Variants in FMO5 observed in about 807,000 individuals in gnomAD.
The protein encoded by FMO5 is flavin-containing monooxygenase 5.
A neutral mutation model predicts 43.6 loss-of-function variants in FMO5; 51 were observed. The observed-to-expected ratio is 1.17, with a 90% CI of 0.93 to 1.48. The LOEUF (loss-of-function observed/expected upper bound fraction) is 1.48, where lower values mean the gene tolerates loss of function less well. Among genes scored for constraint, FMO5 ranks in the 40% most tolerant of loss-of-function variants. The pLI is 0.00. For synonymous variants in FMO5, 187 were observed against 216.5 expected, an observed-to-expected ratio of 0.86 and a Z score of 1.20; for missense variants, 644 against 643.0, an observed-to-expected ratio of 1.00 and a Z score of -0.02.
intron 8 of FMO5, among the ~76,000 whole-genome samples, chr1:147,189,967 A>G (rs1335064373): frequency 6.6e-6 from 1 of 152,126 alleles, no homozygotes; most frequent in Non-Finnish European, 1.5e-5. Context: ...ATGATTTTAG[A>G]CACCTAAAAC....
intron 7 of FMO5, among the ~76,000 whole-genome samples, chr1:147,196,141 C>A (rs991363691): frequency 4.6e-5 from 7 of 152,110 alleles, no homozygotes; most frequent in Non-Finnish European, 7.3e-5. Flanking sequence ...ACATTCTCTG[C>A]CATCTTGGTT....
At chr1:147,209,235 CA>C (rs1660659144) in intron 5 of FMO5, among the ~76,000 whole-genome samples, 184 bp from the exon 6 acceptor site, 3 of 152,160 alleles carry the variant, frequency 2.0e-5, no homozygotes, top group South Asian at 2.1e-4. Context: ...CTGGCTAACA[CA>C]GTGAAACCCC....
intron 6 of FMO5, among the ~76,000 whole-genome samples, chr1:147,205,598 C>T (rs1659849592): frequency 6.6e-6 from 1 of 152,146 alleles, no homozygotes. Flanking sequence ...ACAGAGCCCT[C>T]AGAAATAATA....
At chr1:147,212,810 G>GA (rs2101963188) in intron 4 of FMO5, among the ~76,000 whole-genome samples, 1 of 152,188 alleles carries the variant, frequency 6.6e-6, no homozygotes, top group South Asian at 2.1e-4. Context: ...AACTGCCTCA[G>GA]AAAACCTCCA....
At chr1:147,199,233 A>C (rs1658565747) in intron 7 of FMO5, among the ~76,000 whole-genome samples, 1 of 144,354 alleles carries the variant, frequency 6.9e-6, no homozygotes, top group African/African-American at 2.4e-5. Context: ...GCAGACATGA[A>C]AAAAATGGGA....
intron 7 of FMO5, among the ~76,000 whole-genome samples, chr1:147,195,371 G>T (rs1375874722): frequency 2.6e-5 from 4 of 152,014 alleles, no homozygotes; most frequent in African/African-American, 9.7e-5. Flanking sequence ...GACCTCAGAT[G>T]ATCCACCCGT....
chr1:147,225,184 C>A, intron 1 of FMO5, 103 bp downstream of exon 1: 2 of 1,472,134 alleles, frequency 1.4e-6, no homozygotes, highest in South Asian at 1.4e-5. Flanking sequence ...AGGACAGATT[C>A]GACGGTCCTC....
At chr1:147,212,313 C>A in intron 5 of FMO5, 80 bp downstream of exon 5, 1 of 1,439,770 alleles carries the variant, frequency 6.9e-7, no homozygotes, top group South Asian at 1.2e-5. Flanking sequence ...TCCCTATTCT[C>A]TGTTGGGTCC....
intron 7 of FMO5, among the ~76,000 whole-genome samples, chr1:147,197,976 A>C (rs1341620378): frequency 6.6e-6 from 1 of 152,310 alleles, no homozygotes; most frequent in Admixed American, 6.5e-5. Flanking sequence ...GTGGGAAGGA[A>C]GAGAGTCTGA....
rs375231884 is a variant in FMO5 at position 147,201,198 on chromosome 1, C to T, written c.1137G>A (p.Met379Ile). 9 of 1,614,070 alleles carry T rather than the reference C, an allele frequency of 5.6e-6. No individual in the cohort carries two copies. Among genetic ancestry groups the T allele is most frequent in the Non-Finnish European group, 5.9e-6 (7 of 1,179,990 alleles). The change falls in exon 7 of 9, where the codon ATG becomes ATA. Residue 379 changes from methionine to isoleucine, a missense_variant. Met to Ile is a conservative substitution (Grantham distance 10). Transcript: ENST00000254090. Reference protein sequence around the residue: ...IGLIQPLGAIMPISELQGRWA... With the variant: ...IGLIQPLGAIIPISELQGRWA... ...AGCGTCCTTGGAGCTCTGAAATGGG[C>T]ATAATGGCTCCTAAGGGCTGAATCA... is the stretch of plus-strand genomic sequence containing the variant.
intron 5 of FMO5, chr1:147,210,529 T>G (rs2101938462): frequency 6.6e-6 from 1 of 152,346 alleles, no homozygotes; most frequent in South Asian, 2.1e-4. Flanking sequence ...GTAAGCACTC[T>G]GATAATTATG....
upstream of FMO5, chr1:147,225,831 C>A (rs1553927633): frequency 6.6e-6 from 1 of 152,168 alleles, no homozygotes; most frequent in Non-Finnish European, 1.5e-5. Context: ...CGGCCGGGAG[C>A]GTCGGCAGAC....
intron 2 of FMO5, among the ~76,000 whole-genome samples, chr1:147,216,232 C>A (rs1553925046): frequency 6.6e-6 from 1 of 152,142 alleles, no homozygotes; most frequent in Admixed American, 6.5e-5. Context: ...CTGGTAGAAG[C>A]TAGCAGCCAT....
chr1:147,226,102 T>C (rs10465879), upstream of FMO5, among the ~76,000 whole-genome samples: 7,129 of 36,574 alleles, frequency 0.19, 399 homozygotes, highest in East Asian at 0.4. Context: ...TGGCAATTTA[T>C]CTTACTTTTT....
chr1:147,210,892 T>C (rs1553923617), intron 5 of FMO5: 2 of 152,150 alleles, frequency 1.3e-5, no homozygotes, highest in African/African-American at 4.8e-5. Flanking sequence ...AAATTAATAT[T>C]GAAAAAAAGG....
chr1:147,195,668 C>CT (rs1553919644), intron 7 of FMO5, among the ~76,000 whole-genome samples: 2 of 152,242 alleles, frequency 1.3e-5, no homozygotes, highest in East Asian at 3.9e-4. Context: ...CAATGCTAAG[C>CT]TTAAACAATT....
chr1:147,190,869 T>C (rs1656617854), intron 7 of FMO5, among the ~76,000 whole-genome samples: 1 of 151,948 alleles, frequency 6.6e-6, no homozygotes, highest in Non-Finnish European at 1.5e-5. Context: ...GAGTGTGATG[T>C]TCCCCTTCCT....
At chr1:147,222,462 T>A (rs1296701381) in intron 2 of FMO5, among the ~76,000 whole-genome samples, 4 of 151,844 alleles carry the variant, frequency 2.6e-5, no homozygotes, top group Non-Finnish European at 4.4e-5. Context: ...AGGAGAAAAA[T>A]TTAAATGGGA....
At position 147,225,040 on chromosome 1, in the gene FMO5, G is replaced by T. The variant is rs1553927395; in HGVS notation, c.-11C>A. ...TCTTTTCTTAGTCATGGTCTCCCGAGATCTTCACCTGTTAGTGTCGCCTGT... is the reference window on the plus strand; with the variant it reads ...TCTTTTCTTAGTCATGGTCTCCCGATATCTTCACCTGTTAGTGTCGCCTGT... On this transcript the variant is annotated 5_prime_UTR_variant, in exon 2 of 9. Coordinates refer to ENST00000254090, the MANE Select transcript of FMO5 (RefSeq NM_001461.4). 9.9e-6 allele frequency: 16 copies of T among 1,614,104 alleles called. No individual in the cohort carries two copies. Among genetic ancestry groups the T allele is most frequent in the Non-Finnish European group, 1.4e-5 (16 of 1,180,008 alleles).
Sources: gnomAD v4.1 joint callset for allele counts (sites outside exome capture counted in the v4.1 genomes callset) on GRCh38, gnomAD v4.1.1 for gene constraint, MANE v1.5 for transcripts, NCBI Gene and HGNC (gene_info 2026-07-23, HGNC 2026-07-21) for gene names.